Variants in CRTAC1 observed in about 807,000 individuals in gnomAD.
CRTAC1 encodes the protein acidic secreted protein in cartilage.
Under a neutral mutation model 67.8 loss-of-function variants are expected in CRTAC1, and 37 were observed. The observed-to-expected ratio is 0.55, with a 90% confidence interval of 0.42 to 0.72. CRTAC1 has a LOEUF of 0.72. Among genes scored for constraint, CRTAC1 ranks in the 30% least tolerant of loss-of-function variants. The pLI is 0.00. For missense variants in CRTAC1, 780 were observed against 931.6 expected (o/e 0.84, Z 2.12); for synonymous variants, 348 against 371.0 (o/e 0.94, Z 0.71).
chr10:97,944,829 C>G (rs2051239745), intron 2 of CRTAC1, among the ~76,000 whole-genome samples: 1 of 152,162 alleles, frequency 6.6e-6, no homozygotes, highest in Non-Finnish European at 1.5e-5. Context: ...GCTCTGAAAT[C>G]AAAGCTAGCC....
chr10:97,946,357 G>A (rs2051263561), intron 2 of CRTAC1, among the ~76,000 whole-genome samples: 1 of 152,152 alleles, frequency 6.6e-6, no homozygotes, highest in African/African-American at 2.4e-5. Context: ...TCTTTTCTCT[G>A]CCTATGGACC....
chr10:97,927,478 G>A (rs554171094), intron 3 of CRTAC1, among the ~76,000 whole-genome samples: 3 of 152,332 alleles, frequency 2.0e-5, no homozygotes, highest in East Asian at 1.9e-4. Flanking sequence ...AGCACCCTGC[G>A]TAACTGGTGC....
intron 1 of CRTAC1, among the ~76,000 whole-genome samples, chr10:98,021,352 G>A (rs7067580): frequency 6.6e-6 from 1 of 152,130 alleles, no homozygotes; most frequent in African/African-American, 2.4e-5. Flanking sequence ...AGCACTCATA[G>A]ACAGGAGACT....
At chr10:97,934,324 C>A (rs765359854) in intron 3 of CRTAC1, among the ~76,000 whole-genome samples, 2 of 152,222 alleles carry the variant, frequency 1.3e-5, no homozygotes, top group Non-Finnish European at 2.9e-5. Flanking sequence ...GCTGCATAAT[C>A]ATGCCCTGAT....
intron 2 of CRTAC1, among the ~76,000 whole-genome samples, chr10:97,969,055 C>A (rs995714790): frequency 6.6e-6 from 1 of 152,168 alleles, no homozygotes; most frequent in East Asian, 1.9e-4. Flanking sequence ...TCCTTTCCCC[C>A]CCATGTCAAA....
rs2051778628 is a variant in CRTAC1 at position 97,975,121 on chromosome 10, A to T, written c.224+36017T>A. Among the ~76,000 whole-genome samples, 1 of 152,130 alleles carries T rather than the reference A, an allele frequency of 6.6e-6. No homozygotes were observed. On this transcript the variant is annotated intron_variant, in intron 2 of 14. Coordinates refer to ENST00000370597, the MANE Select transcript of CRTAC1 (RefSeq NM_018058.7). The surrounding 1 kb of genome is among the most constrained non-coding windows in gnomAD (Gnocchi z 4.8). ...GGCGGAGGGGCCGGAGCCTACAGTT[A>T]AATCTGGCTAAACGGCAGCATTTAA... is the stretch of plus-strand genomic sequence containing the variant.
At chr10:97,970,788 T>C (rs1293906848) in intron 2 of CRTAC1, among the ~76,000 whole-genome samples, 1 of 152,236 alleles carries the variant, frequency 6.6e-6, no homozygotes, top group Non-Finnish European at 1.5e-5. Context: ...TGCAGCAGTC[T>C]CTCCAATGCC....
chr10:97,973,236 C>G (rs1250104227), intron 2 of CRTAC1, among the ~76,000 whole-genome samples: 2 of 152,130 alleles, frequency 1.3e-5, no homozygotes, highest in Non-Finnish European at 2.9e-5. Flanking sequence ...CAGGACAAAG[C>G]ACAAACTCCC....
chr10:97,899,546 A>T (rs2050504574), intron 8 of CRTAC1, among the ~76,000 whole-genome samples: 1 of 152,232 alleles, frequency 6.6e-6, no homozygotes, highest in Non-Finnish European at 1.5e-5. Flanking sequence ...TAGCCAGAGA[A>T]GGAAAGCAGT....
chr10:98,024,181 T>C (rs1379588612), intron 1 of CRTAC1, among the ~76,000 whole-genome samples: 3 of 152,206 alleles, frequency 2.0e-5, no homozygotes, highest in African/African-American at 7.2e-5. Flanking sequence ...ACCGGGACAC[T>C]CCCAGGGCTC....
chr10:97,974,013 C>T (rs536976293), intron 2 of CRTAC1, among the ~76,000 whole-genome samples: 4 of 151,746 alleles, frequency 2.6e-5, no homozygotes, highest in African/African-American at 7.2e-5. Context: ...AAAATGACTG[C>T]CCTACACATT....
rs71007374 is a variant in CRTAC1 at position 98,029,491 on chromosome 10, AGCGGCG to A, written c.24+952_24+957del. Among the ~76,000 whole-genome samples, 3,805 of 140,424 alleles carry A rather than the reference AGCGGCG, an allele frequency of 0.027. 59 individuals are homozygous for A. Among genetic ancestry groups the A allele is most frequent in the East Asian group, 0.034 (165 of 4,856 alleles). 92.1% of individuals were successfully genotyped at this position (140,424 alleles called of 152,430 possible). A position where few individuals can be genotyped will look rare whatever the true frequency, so the allele number is the denominator to read the frequency against. On this transcript the variant is annotated intron_variant, in intron 1 of 14. Transcript: ENST00000370597. This position sits in a 1 kb window ranked among gnomAD's most constrained non-coding sequence, Gnocchi z 4.7. ...ACTGGGTGCACCCACCAGCAGCAGC[AGCGGCG>A]GCGGCGGCGGCGGCGGCGGCGGCGG...
At position 98,030,578 on chromosome 10, in the gene CRTAC1, T is replaced by G; in HGVS notation, c.-106A>C. On this transcript the variant is annotated 5_prime_UTR_variant, in exon 1 of 15. Coordinates refer to ENST00000370597, the MANE Select transcript of CRTAC1 (RefSeq NM_018058.7). This position sits in a 1 kb window ranked among gnomAD's most constrained non-coding sequence, Gnocchi z 4.2. ...CTTGCTCCCAGCCCCGGTCCCGGGC[T>G]GGCCTCGAGCCTCCCGCCCCGACGC... 1 of 783,670 alleles carries G rather than the reference T, an allele frequency of 1.3e-6. No homozygotes were observed. The highest frequency in any genetic ancestry group is 1.7e-6 in the Non-Finnish European group (1 of 577,044). The allele number at this position is 783,670 out of a possible 1,614,324, so 48.5% of individuals were successfully genotyped here.
chr10:98,005,756 CTT>C (rs1842777779), intron 2 of CRTAC1, among the ~76,000 whole-genome samples: 1 of 151,738 alleles, frequency 6.6e-6, no homozygotes, highest in African/African-American at 2.4e-5. Context: ...ATAAATGTGT[CTT>C]TTAAAAAATC....
Position 97,880,179 on chromosome 10 carries a change from G to C in CRTAC1, c.1819+70C>G. On this transcript the variant is annotated intron_variant, in intron 14 of 14. Coordinates refer to ENST00000370597, the MANE Select transcript of CRTAC1 (RefSeq NM_018058.7). Reference sequence around the variant, plus strand: ...AAGGGGCTGGGGACCTTGATCTGGGGCCTACCCAGAGCTCCCCAGTGGAAA... The same window carrying C: ...AAGGGGCTGGGGACCTTGATCTGGGCCCTACCCAGAGCTCCCCAGTGGAAA... The C allele has an allele frequency of 1.7e-5, 27 of 1,551,308 alleles. No individual in the cohort carries two copies. The South Asian group carries it at 3.1e-4, about 18-fold the overall frequency.
chr10:97,912,490 G>A (rs1364716559), intron 5 of CRTAC1, among the ~76,000 whole-genome samples: 1 of 152,196 alleles, frequency 6.6e-6, no homozygotes, highest in African/African-American at 2.4e-5. Flanking sequence ...TTGTCCTCAA[G>A]AACCATCCCT....
intron 3 of CRTAC1, among the ~76,000 whole-genome samples, chr10:97,931,017 A>T (rs1361930595): frequency 2.0e-5 from 3 of 152,224 alleles, no homozygotes; most frequent in African/African-American, 7.2e-5. Context: ...GTTACAACTC[A>T]ATAAGGAAAA....
intron 2 of CRTAC1, among the ~76,000 whole-genome samples, chr10:98,000,475 C>G (rs1255259866): frequency 1.3e-5 from 2 of 152,250 alleles, no homozygotes; most frequent in Non-Finnish European, 1.5e-5. Context: ...CAGTAGCAGC[C>G]AGCATGTCTG....
At chr10:97,989,562 C>A (rs1842396871) in intron 2 of CRTAC1, among the ~76,000 whole-genome samples, 1 of 152,124 alleles carries the variant, frequency 6.6e-6, no homozygotes, top group South Asian at 2.1e-4. Flanking sequence ...AGAAAAGGTA[C>A]AATAAAGATA....
Sources: gnomAD v4.1 joint callset for allele counts (sites outside exome capture counted in the v4.1 genomes callset) on GRCh38, gnomAD v4.1.1 for gene constraint, Gnocchi (gnomAD v3.1) non-coding constraint, MANE v1.5 for transcripts, NCBI Gene and HGNC (gene_info 2026-07-23, HGNC 2026-07-21) for gene names.